EPHA6: variants seen among roughly 807,000 people sequenced by gnomAD.
EPHA6 encodes the protein EPH receptor A6.
EPHA6 carries 50 observed loss-of-function variants against 112.0 expected under a neutral mutation model. The observed-to-expected ratio is 0.45, with a 90% CI of 0.36 to 0.56. The LOEUF (loss-of-function observed/expected upper bound fraction) is 0.56. Ranked by LOEUF, EPHA6 falls within the 20% of genes least tolerant of loss-of-function variation. EPHA6 has a pLI of 0.00. For missense variants in EPHA6, 1,280 were observed against 1,417.4 expected, an observed-to-expected ratio of 0.90 and a Z score of 1.56; for synonymous variants, 529 against 490.7, an observed-to-expected ratio of 1.08 and a Z score of -1.03.
At chr3:96,876,104 C>T (rs2036927646) in intron 2 of EPHA6, among the ~76,000 whole-genome samples, 1 of 149,524 alleles carries the variant, frequency 6.7e-6, no homozygotes, top group African/African-American at 2.5e-5. Flanking sequence ...TCTTAGGAAA[C>T]CCTAACATAT....
chr3:96,847,620 C>G (rs2035144597), intron 1 of EPHA6, among the ~76,000 whole-genome samples: 1 of 151,950 alleles, frequency 6.6e-6, no homozygotes, highest in South Asian at 2.1e-4. Flanking sequence ...TAAAAAGATT[C>G]TTTAGATTCT....
At chr3:97,377,518 T>C (rs111954460) in intron 5 of EPHA6, among the ~76,000 whole-genome samples, 14 of 152,226 alleles carry the variant, frequency 9.2e-5, no homozygotes, top group African/African-American at 3.4e-4. Context: ...CTTTGGAACT[T>C]GGTAACAAGC....
chr3:97,012,652 GT>G (rs1166478565), intron 3 of EPHA6, among the ~76,000 whole-genome samples: 1 of 142,400 alleles, frequency 7.0e-6, no homozygotes, highest in Non-Finnish European at 1.5e-5. Context: ...AAGAAACTGG[GT>G]TTTGTCTTGT....
chr3:97,648,157 T>A (rs2094080363), intron 14 of EPHA6: 1 of 447,800 alleles, frequency 2.2e-6, no homozygotes, highest in Admixed American at 4.1e-5. Flanking sequence ...AATTTTGGTT[T>A]TGTTTGTCTG....
At chr3:97,026,233 C>T (rs2044633328) in intron 3 of EPHA6, among the ~76,000 whole-genome samples, 1 of 150,204 alleles carries the variant, frequency 6.7e-6, no homozygotes, top group East Asian at 2.0e-4. Flanking sequence ...CTTTTTGCTT[C>T]GGATTGCCAT....
intron 2 of EPHA6, among the ~76,000 whole-genome samples, chr3:96,909,461 A>T (rs1423031866): frequency 6.6e-6 from 1 of 151,876 alleles, no homozygotes; most frequent in African/African-American, 2.4e-5. Context: ...TATCATTGGC[A>T]TTTGGGAATG....
intron 3 of EPHA6, among the ~76,000 whole-genome samples, chr3:97,046,162 A>G (rs1166842148): frequency 6.6e-6 from 1 of 152,170 alleles, no homozygotes; most frequent in Non-Finnish European, 1.5e-5. Context: ...TTATATTTGA[A>G]CAAGGACATC....
chr3:97,210,003 T>G (rs1476322617), intron 3 of EPHA6, among the ~76,000 whole-genome samples: 1 of 152,192 alleles, frequency 6.6e-6, no homozygotes, highest in Non-Finnish European at 1.5e-5. Context: ...TTCTAAGTTT[T>G]GAATAAAGCA....
intron 3 of EPHA6, among the ~76,000 whole-genome samples, chr3:97,058,654 A>G (rs138543618): frequency 1.3e-4 from 20 of 152,306 alleles, no homozygotes; most frequent in Non-Finnish European, 2.4e-4. Context: ...CAATATAGGT[A>G]TTCAAATGAT....
chr3:97,687,531 G>A (rs557155699), intron 14 of EPHA6, among the ~76,000 whole-genome samples: 1 of 152,152 alleles, frequency 6.6e-6, no homozygotes, highest in Non-Finnish European at 1.5e-5. Flanking sequence ...AGACGCTGAG[G>A]AGTTATGACA....
intron 13 of EPHA6, among the ~76,000 whole-genome samples, chr3:97,619,442 G>GA: frequency 6.8e-6 from 1 of 147,676 alleles, no homozygotes; most frequent in Non-Finnish European, 1.5e-5. Flanking sequence ...AAGGGGGGGG[G>GA]GGGCATCCAA....
chr3:97,070,504 A>C (rs2046318545), intron 3 of EPHA6, among the ~76,000 whole-genome samples: 1 of 152,132 alleles, frequency 6.6e-6, no homozygotes, highest in South Asian at 2.1e-4. Context: ...ACATCTTGAT[A>C]TACTGGTTTG....
At chr3:96,957,441 A>G (rs553553167) in intron 2 of EPHA6, among the ~76,000 whole-genome samples, 4 of 152,358 alleles carry the variant, frequency 2.6e-5, no homozygotes, top group Admixed American at 6.5e-5. Flanking sequence ...AGCAAGCTTT[A>G]CTTAGTTTTA....
At chr3:97,514,924 C>T (rs1049430359) in intron 10 of EPHA6, among the ~76,000 whole-genome samples, 1 of 152,174 alleles carries the variant, frequency 6.6e-6, no homozygotes, top group African/African-American at 2.4e-5. Context: ...AAATAAATGT[C>T]TGTTGTTTAA....
intron 3 of EPHA6, among the ~76,000 whole-genome samples, chr3:97,014,379 T>G (rs1416618710): frequency 6.6e-6 from 1 of 150,412 alleles, no homozygotes; most frequent in Non-Finnish European, 1.5e-5. Context: ...CCTTCATTTC[T>G]CCCTTTTTCT....
chr3:97,399,705 A>G (rs777762356), intron 5 of EPHA6, among the ~76,000 whole-genome samples: 2 of 151,512 alleles, frequency 1.3e-5, no homozygotes, highest in African/African-American at 2.4e-5. Context: ...CATTTTTTAT[A>G]TATCTGTTAG....
intron 3 of EPHA6, among the ~76,000 whole-genome samples, chr3:97,085,546 A>G (rs1372401096): frequency 2.6e-5 from 4 of 152,148 alleles, no homozygotes; most frequent in African/African-American, 4.8e-5. Context: ...TATGCTTTAT[A>G]TGAATTAGAC....
chr3:96,857,285 C>T (rs896026103), intron 1 of EPHA6, among the ~76,000 whole-genome samples: 2 of 152,056 alleles, frequency 1.3e-5, no homozygotes, highest in African/African-American at 4.8e-5. Flanking sequence ...TAATGATTTG[C>T]TTCCCTACAG....
intron 3 of EPHA6, among the ~76,000 whole-genome samples, chr3:97,097,206 C>A (rs1433594596): frequency 2.6e-5 from 4 of 151,270 alleles, no homozygotes; most frequent in Non-Finnish European, 5.9e-5. Context: ...TATGCAATAT[C>A]ATTAATAAAA....
Sources: allele counts gnomAD v4.1 joint callset (sites outside exome capture counted in the v4.1 genomes callset), GRCh38; gene constraint gnomAD v4.1.1; transcripts MANE v1.5; gene names NCBI Gene and HGNC (gene_info 2026-07-23, HGNC 2026-07-21).